Variants in XIRP2 observed in about 807,000 individuals in gnomAD.
XIRP2 encodes xin actin-binding repeat-containing protein 2.
XIRP2 carries 236 observed loss-of-function variants against 277.0 expected under a neutral mutation model. The ratio of observed to expected loss-of-function variants is 0.85; its 90% CI spans 0.77 to 0.95. The LOEUF (loss-of-function observed/expected upper bound fraction) is 0.95. XIRP2 is among the 40% of genes least tolerant of loss of function. The pLI is 0.00. For missense variants in XIRP2, 4,640 were observed against 4,157.5 expected (o/e 1.12, Z -3.19); for synonymous variants, 1,490 against 1,416.5 (o/e 1.05, Z -1.17).
intron 2 of XIRP2, among the ~76,000 whole-genome samples, chr2:167,078,698 A>G (rs895490619): frequency 2.0e-5 from 3 of 152,016 alleles, no homozygotes; most frequent in South Asian, 2.1e-4. Flanking sequence ...TAGCAAGGGC[A>G]TGGTGGCGGG....
rs1262453999 is a variant in XIRP2 at position 167,248,432 on chromosome 2, C to T, written c.7040C>T (p.Pro2347Leu). 6 of 1,613,716 alleles carry T rather than the reference C, an allele frequency of 3.7e-6. No homozygotes were observed. The African/African-American group carries it at 6.7e-5, about 18-fold the overall frequency. ...EFESFPGLPL[P>L]PPPVDEKSER... ...GAAAGTTTTCCAGGCCTCCCTCTTCCTCCACCTCCAGTAGATGAGAAATCT... is the reference window on the plus strand; with the variant it reads ...GAAAGTTTTCCAGGCCTCCCTCTTCTTCCACCTCCAGTAGATGAGAAATCT... The change falls in exon 9 of 11, where the codon CCT becomes CTT. Residue 2347 changes from proline to leucine, a missense_variant. Coordinates refer to ENST00000409195, the MANE Select transcript of XIRP2 (RefSeq NM_152381.6).
intron 2 of XIRP2, among the ~76,000 whole-genome samples, chr2:166,955,814 GC>G (rs1686147179): frequency 6.7e-6 from 1 of 148,536 alleles, no homozygotes; most frequent in Non-Finnish European, 1.5e-5. Flanking sequence ...TGTTTAGTTT[GC>G]TTTTTTTTTT....
rs1352079834 is a variant in XIRP2 at position 167,188,295 on chromosome 2, G to T, written c.563-22440G>T. ...GGGCCTTAAATGTTTAGATGTTAGA[G>T]ACTGAAGTGATTTGGAAGAGACGTG... On this transcript the variant is annotated intron_variant, in intron 3 of 10. Transcript: ENST00000409195. 2.6e-5 allele frequency among the ~76,000 whole-genome samples: 4 copies of T among 152,316 alleles called. No individual in the cohort carries two copies. In the East Asian group the frequency reaches 7.7e-4, roughly 29 times the overall value.
intron 4 of XIRP2, 22 bp from the exon 5 acceptor site, chr2:167,218,144 C>T: frequency 6.6e-7 from 1 of 1,518,214 alleles, no homozygotes; most frequent in Non-Finnish European, 8.8e-7. Context: ...GCTGAATTTT[C>T]CTTTTTCTTA....
At chr2:166,986,539 G>T (rs978999765) in intron 2 of XIRP2, among the ~76,000 whole-genome samples, 2 of 152,204 alleles carry the variant, frequency 1.3e-5, no homozygotes, top group African/African-American at 4.8e-5. Flanking sequence ...AGTATAAAGG[G>T]CACCAAACCA....
chr2:167,075,956 G>A (rs1022093679), intron 2 of XIRP2, among the ~76,000 whole-genome samples: 3 of 152,032 alleles, frequency 2.0e-5, no homozygotes, highest in Non-Finnish European at 4.4e-5. Flanking sequence ...AATTACAAGC[G>A]TGAGCCACCC....
intron 2 of XIRP2, among the ~76,000 whole-genome samples, chr2:167,062,923 G>A (rs538162797): frequency 8.6e-5 from 13 of 151,094 alleles, no homozygotes; most frequent in Admixed American, 2.0e-4. Context: ...TTTTCCTATC[G>A]TATTTTCTTT....
intron 2 of XIRP2, among the ~76,000 whole-genome samples, chr2:166,977,918 A>T (rs758048728): frequency 5.3e-5 from 8 of 152,210 alleles, no homozygotes; most frequent in Non-Finnish European, 1.0e-4. Flanking sequence ...ATTCTGTATA[A>T]GAAAGCTTTC....
chr2:166,907,557 C>A (rs1347435838), intron 2 of XIRP2, among the ~76,000 whole-genome samples: 1 of 151,842 alleles, frequency 6.6e-6, no homozygotes, highest in South Asian at 2.1e-4. Flanking sequence ...GACAACTCAA[C>A]TCTGCATCTC....
intron 5 of XIRP2, among the ~76,000 whole-genome samples, chr2:167,237,315 A>G (rs1237618192): frequency 2.6e-5 from 4 of 152,190 alleles, no homozygotes; most frequent in East Asian, 1.9e-4. Context: ...CAGTTTTTCT[A>G]TTCCAAATAT....
rs889699118 is a variant in XIRP2, at chr2:166,977,112, T to A, written c.408+73222T>A. 2.6e-5 allele frequency among the ~76,000 whole-genome samples: 4 copies of A among 151,374 alleles called. No homozygotes were observed. The South Asian group carries it at 8.4e-4, about 32-fold the overall frequency. Reference sequence around the variant, plus strand: ...GCAATGTGTGTTTGCTCTGTTGGTATTTTTTTTTCCTCTTGCTACTTTCAA... The same window carrying A: ...GCAATGTGTGTTTGCTCTGTTGGTAATTTTTTTTCCTCTTGCTACTTTCAA... On this transcript the variant is annotated intron_variant, in intron 2 of 10. Coordinates refer to ENST00000409195, the MANE Select transcript of XIRP2 (RefSeq NM_152381.6).
In XIRP2 at chr2:167,006,127, T is replaced by A. The variant is rs572592496; in HGVS notation, c.408+102237T>A. Among the ~76,000 whole-genome samples the A allele has an allele frequency of 4.6e-5, 7 of 151,928 alleles. 1 individual carries two copies. The highest frequency in any genetic ancestry group is 4.6e-4 in the Admixed American group (7 of 15,194). On this transcript the variant is annotated intron_variant, in intron 2 of 10. Coordinates refer to ENST00000409195, the MANE Select transcript of XIRP2 (RefSeq NM_152381.6). ...ACCATGGTGCCTGGCAAGTTTTAGATTTTCAATGTTATTTTTGAGAATAAG... is the reference window on the plus strand; with the variant it reads ...ACCATGGTGCCTGGCAAGTTTTAGAATTTCAATGTTATTTTTGAGAATAAG...
chr2:167,023,831 C>G (rs1688060097), intron 2 of XIRP2, among the ~76,000 whole-genome samples: 1 of 152,188 alleles, frequency 6.6e-6, no homozygotes, highest in South Asian at 2.1e-4. Context: ...GTTTTGGTAC[C>G]AGTACCATGC....
At chr2:166,891,480 T>C (rs893486581) in intron 1 of XIRP2, among the ~76,000 whole-genome samples, 3 of 152,198 alleles carry the variant, frequency 2.0e-5, no homozygotes, top group Admixed American at 6.5e-5. Context: ...TGACAATATA[T>C]AATAATAAAG....
rs750902462 is a variant in XIRP2 at position 167,245,624 on chromosome 2, A to T, written c.4232A>T (p.Asp1411Val). 18 of 1,613,634 alleles carry T rather than the reference A, an allele frequency of 1.1e-5. 2 individuals are homozygous for T. The South Asian group carries it at 2.0e-4, about 18-fold the overall frequency. ...TCACATAATATTATGCCCAGTATTG[A>T]CCATATACAAGGTGGCAATGTAAAG... The part of the protein sequence containing the change: ...EESHNIMPSI[D>V]HIQGGNVKTS... Residue 1411 changes from aspartate to valine, a missense_variant, in exon 9 of 11, where the codon GAC becomes GTC. Asp to Val is a radical substitution (Grantham distance 152, BLOSUM62 -3). Transcript: ENST00000409195.
intron 2 of XIRP2, among the ~76,000 whole-genome samples, chr2:167,042,293 C>A (rs1688677230): frequency 6.6e-6 from 1 of 152,078 alleles, no homozygotes; most frequent in Non-Finnish European, 1.5e-5. Flanking sequence ...GTCTACATAA[C>A]AAGCAGCTAA....
At chr2:167,169,777 A>G (rs1034749609) in intron 3 of XIRP2, among the ~76,000 whole-genome samples, 57 of 152,304 alleles carry the variant, frequency 3.7e-4, no homozygotes, top group African/African-American at 1.1e-3. Flanking sequence ...AGCTTGCCAT[A>G]TCTACTGGGT....
At chr2:167,005,629 G>A (rs1687484348) in intron 2 of XIRP2, among the ~76,000 whole-genome samples, 4 of 151,682 alleles carry the variant, frequency 2.6e-5, no homozygotes. Flanking sequence ...TCTAGTTATG[G>A]GGATTACACA....
At chr2:167,010,008 T>A (rs1687620792) in intron 2 of XIRP2, among the ~76,000 whole-genome samples, 1 of 152,150 alleles carries the variant, frequency 6.6e-6, no homozygotes, top group African/African-American at 2.4e-5. Flanking sequence ...TCTCCCATTT[T>A]GTAGGTTGCC....
Sources: allele counts gnomAD v4.1 joint callset (sites outside exome capture counted in the v4.1 genomes callset), GRCh38; gene constraint gnomAD v4.1.1; transcripts MANE v1.5; gene names NCBI Gene and HGNC (gene_info 2026-07-23, HGNC 2026-07-21).